The following FLI1 variants were observed in gnomAD, a reference collection of about 807,000 sequenced individuals.
The protein encoded by FLI1 is Friend leukemia integration 1 transcription factor.
A neutral mutation model predicts 53.1 loss-of-function variants in FLI1; 13 were observed. The observed-to-expected ratio is 0.24, with a 90% CI of 0.16 to 0.39. The LOEUF (loss-of-function observed/expected upper bound fraction) is 0.39. Among genes scored for constraint, FLI1 ranks in the 10% least tolerant of loss-of-function variants. FLI1 has a pLI of 1.00. For missense variants in FLI1, 424 were observed against 600.5 expected (o/e 0.71, Z 3.07); for synonymous variants, 244 against 236.7 (o/e 1.03, Z -0.28).
At chr11:128,714,865 C>T (rs780575202) in intron 1 of FLI1, among the ~76,000 whole-genome samples, 62 of 152,094 alleles carry the variant, frequency 4.1e-4, no homozygotes, top group African/African-American at 1.2e-3. Context: ...CGCACCACCA[C>T]GCCCAGCTAA....
chr11:128,737,792 G>C (rs1939968127), intron 1 of FLI1, among the ~76,000 whole-genome samples: 1 of 152,178 alleles, frequency 6.6e-6, no homozygotes, highest in Non-Finnish European at 1.5e-5. Context: ...TGAGGTTCTT[G>C]TGGAAGGTTC....
chr11:128,739,026 CAG>C (rs1435716980), intron 1 of FLI1, among the ~76,000 whole-genome samples: 1 of 152,178 alleles, frequency 6.6e-6, no homozygotes, highest in Non-Finnish European at 1.5e-5. Context: ...CTTATGAGTG[CAG>C]AGAGAACCTC....
upstream of FLI1, chr11:128,693,941 C>CGAGAGAGAGAGAGAGGGAGA (rs1937885478): frequency 2.3e-5 from 4 of 176,752 alleles, no homozygotes; most frequent in South Asian, 2.6e-4. Flanking sequence ...GAGCTCGAGG[C>CGAGAGAGAGAGAGAGGGAGA]GAGAGAGAGA....
At chr11:128,707,337 G>A (rs1217724259) in intron 1 of FLI1, among the ~76,000 whole-genome samples, 1 of 152,176 alleles carries the variant, frequency 6.6e-6, no homozygotes, top group Non-Finnish European at 1.5e-5. Context: ...CACATTGGTC[G>A]AAGGGCACAA....
chr11:128,760,245 G>C (rs1469231379), intron 2 of FLI1, among the ~76,000 whole-genome samples: 1 of 152,198 alleles, frequency 6.6e-6, no homozygotes, highest in Non-Finnish European at 1.5e-5. Context: ...TACACAGGAA[G>C]GCAAGCAGGG....
At chr11:128,716,611 G>A (rs1272558635) in intron 1 of FLI1, among the ~76,000 whole-genome samples, 2 of 152,116 alleles carry the variant, frequency 1.3e-5, no homozygotes, top group African/African-American at 4.8e-5. Flanking sequence ...CTAGACACTG[G>A]GATCTTAGCC....
chr11:128,716,704 G>A (rs1939031614), intron 1 of FLI1, among the ~76,000 whole-genome samples: 1 of 152,140 alleles, frequency 6.6e-6, no homozygotes, highest in African/African-American at 2.4e-5. Context: ...GTCCAGGAGG[G>A]CTGGAGCTCT....
At chr11:128,707,153 G>A (rs1157863927) in intron 1 of FLI1, among the ~76,000 whole-genome samples, 1 of 152,104 alleles carries the variant, frequency 6.6e-6, no homozygotes, top group African/African-American at 2.4e-5. Flanking sequence ...ATGAGCTTAG[G>A]ATCTTTCTTT....
intron 1 of FLI1, among the ~76,000 whole-genome samples, chr11:128,754,235 A>ATGTGTGTGTGTGTGTG (rs57171401): frequency 6.9e-6 from 1 of 145,682 alleles, no homozygotes; most frequent in African/African-American, 2.6e-5. Flanking sequence ...TAGAAGGGGG[A>ATGTGTGTGTGTGTGTG]TGTGTGTGTG....
chr11:128,759,584 G>A (rs370726746), intron 2 of FLI1, among the ~76,000 whole-genome samples: 13 of 152,354 alleles, frequency 8.5e-5, no homozygotes, highest in African/African-American at 3.1e-4. Flanking sequence ...GCTTAGGTGA[G>A]TAAAGTGTGA....
chr11:128,706,485 G>C (rs533330602), intron 1 of FLI1, among the ~76,000 whole-genome samples: 17 of 152,226 alleles, frequency 1.1e-4, no homozygotes, highest in African/African-American at 4.1e-4. Flanking sequence ...TGCCAACTTA[G>C]GATAGCCCCC....
At chr11:128,806,750 G>A (rs1942792981) in intron 6 of FLI1, 1 of 153,162 alleles carries the variant, frequency 6.5e-6, no homozygotes, top group African/African-American at 2.4e-5. Context: ...ACACCAGGAA[G>A]CAGCTGATCT....
At chr11:128,689,055 C>T (rs544906156), upstream of FLI1, among the ~76,000 whole-genome samples, 3 of 152,240 alleles carry the variant, frequency 2.0e-5, no homozygotes, top group South Asian at 6.2e-4. Context: ...TTTACAACAG[C>T]CCTTTGAGAT....
At chr11:128,774,358 C>T (rs1231101826) in intron 4 of FLI1, among the ~76,000 whole-genome samples, 1 of 152,134 alleles carries the variant, frequency 6.6e-6, no homozygotes, top group East Asian at 1.9e-4. Flanking sequence ...ATGAGGTCAG[C>T]CCAAGAAACA....
chr11:128,777,719 T>C (rs555764037), intron 4 of FLI1, among the ~76,000 whole-genome samples: 4 of 152,366 alleles, frequency 2.6e-5, no homozygotes, highest in East Asian at 1.9e-4. Flanking sequence ...GCTGTTGATA[T>C]AGCAGTGCAG....
At chr11:128,787,729 G>A (rs1165692170) in intron 5 of FLI1, among the ~76,000 whole-genome samples, 1 of 151,742 alleles carries the variant, frequency 6.6e-6, no homozygotes, top group East Asian at 1.9e-4. Flanking sequence ...GTTATAATAA[G>A]GATAGTAAAT....
intron 1 of FLI1, among the ~76,000 whole-genome samples, chr11:128,707,140 A>T (rs905978038): frequency 6.6e-6 from 1 of 152,158 alleles, no homozygotes. Flanking sequence ...ACTGCCCCAC[A>T]CTATGAGCTT....
At chr11:128,727,337 G>A (rs1016483631) in intron 1 of FLI1, among the ~76,000 whole-genome samples, 2 of 152,188 alleles carry the variant, frequency 1.3e-5, no homozygotes, top group Non-Finnish European at 2.9e-5. Context: ...ATCAATAATG[G>A]CTAGTATTAT....
Position 128,772,965 on chromosome 11 carries a change from A to G in FLI1, c.569A>G (p.His190Arg). Residue 190 changes from histidine (H) to arginine (R), a missense_variant, in exon 4 of 9, where the codon CAC becomes CGC. This residue lies in a region of FLI1 where 114 missense variants were observed against 117.9 expected (regional missense o/e 0.97). Transcript: ENST00000527786. Reference sequence around the variant, plus strand: ...TACAACACGGAAGTGCTGTTGTCACACCTCAGTTACCTCAGGGAAAGTAAG... The same window carrying G: ...TACAACACGGAAGTGCTGTTGTCACGCCTCAGTTACCTCAGGGAAAGTAAG... The part of the protein sequence containing the change: ...TLYNTEVLLS[H>R]LSYLRESSLL... 6.2e-7 allele frequency: 1 copy of G among 1,613,752 alleles called. No individual in the cohort carries two copies. Among genetic ancestry groups the G allele is most frequent in the Non-Finnish European group, 8.5e-7 (1 of 1,179,888 alleles).
Sources: gnomAD v4.1 joint callset for allele counts (sites outside exome capture counted in the v4.1 genomes callset) on GRCh38, gnomAD v4.1.1 for gene constraint, gnomAD v4.1.1 regional missense constraint, MANE v1.5 for transcripts, NCBI Gene and HGNC (gene_info 2026-07-23, HGNC 2026-07-21) for gene names.